The following RCL1 variants were observed in gnomAD, a reference collection of about 807,000 sequenced individuals.
The protein encoded by RCL1 is RNA 3'-terminal phosphate cyclase-like protein.
RCL1 carries 24 observed loss-of-function variants against 42.4 expected under a neutral mutation model. The observed-to-expected ratio is 0.57, with a 90% CI of 0.41 to 0.80. RCL1 has a LOEUF of 0.80. Ranked by LOEUF, RCL1 falls within the 30% of genes least tolerant of loss-of-function variation. The pLI is 0.00. For missense variants in RCL1, 578 were observed against 467.9 expected, an observed-to-expected ratio of 1.24 and a Z score of -2.17; for synonymous variants, 228 against 177.3, an observed-to-expected ratio of 1.29 and a Z score of -2.27.
intron 1 of RCL1, chr9:4,804,771 C>T (rs916651826): frequency 2.2e-5 from 4 of 181,626 alleles, no homozygotes; most frequent in South Asian, 8.5e-5. Context: ...TGACTCCTGC[C>T]GGAGCAGCGA....
intron 1 of RCL1, among the ~76,000 whole-genome samples, chr9:4,796,352 A>G (rs1842913785): frequency 6.6e-6 from 1 of 152,084 alleles, no homozygotes; most frequent in African/African-American, 2.4e-5. Flanking sequence ...CTGTTTCTGA[A>G]TTAGTTCTCT....
intron 5 of RCL1, among the ~76,000 whole-genome samples, chr9:4,840,145 C>G (rs367817614): frequency 2.6e-5 from 4 of 151,974 alleles, no homozygotes; most frequent in African/African-American, 9.7e-5. Flanking sequence ...AAAAAGGGAG[C>G]TAGATACCAG....
At chr9:4,819,022 A>G (rs779303316) in intron 1 of RCL1, among the ~76,000 whole-genome samples, 9 of 152,208 alleles carry the variant, frequency 5.9e-5, no homozygotes, top group Non-Finnish European at 1.2e-4. Flanking sequence ...TAATGAAAAC[A>G]GTTTTGTTGG....
chr9:4,832,805 C>CAAAAAAA (rs34915834), intron 3 of RCL1, among the ~76,000 whole-genome samples: 1 of 39,304 alleles, frequency 2.5e-5, no homozygotes, highest in African/African-American at 9.9e-5. Context: ...AGATTCCACT[C>CAAAAAAA]AAAAAAAAAA....
chr9:4,820,556 A>G (rs982107376), intron 1 of RCL1, among the ~76,000 whole-genome samples: 1 of 152,190 alleles, frequency 6.6e-6, no homozygotes, highest in African/African-American at 2.4e-5. Context: ...AAAAAACAAA[A>G]TCTAGAAAGT....
chr9:4,818,208 A>G (rs572163382), intron 1 of RCL1, among the ~76,000 whole-genome samples: 1 of 152,160 alleles, frequency 6.6e-6, no homozygotes, highest in Admixed American at 6.5e-5. Context: ...GGCATAAGCC[A>G]CCGCGCCCGG....
intron 6 of RCL1, among the ~76,000 whole-genome samples, chr9:4,843,795 C>G (rs964049239): frequency 3.3e-5 from 5 of 152,194 alleles, no homozygotes; most frequent in African/African-American, 1.2e-4. Flanking sequence ...CCTGCAGCCA[C>G]TGCTGGACAC....
chr9:4,859,257 C>A (rs1280293637), intron 8 of RCL1, among the ~76,000 whole-genome samples: 1 of 152,198 alleles, frequency 6.6e-6, no homozygotes, highest in East Asian at 1.9e-4. Flanking sequence ...TTACTGTGCA[C>A]ACTTCCCCGG....
chr9:4,822,455 A>C (rs571913556), intron 1 of RCL1, among the ~76,000 whole-genome samples: 2 of 152,298 alleles, frequency 1.3e-5, no homozygotes, highest in East Asian at 3.9e-4. Context: ...CCATAATCTT[A>C]CATTTAAAAT....
chr9:4,833,078 C>G lies in RCL1; in HGVS notation c.385-76C>G. ...CTGCATCATCTACCTGGTTGCTAAG[C>G]CTTACTTGTTTTTTTTGACTCTTGT... On this transcript the variant is annotated intron_variant, in intron 3 of 8. Coordinates refer to ENST00000381750, the MANE Select transcript of RCL1 (RefSeq NM_005772.5). 6 of 986,636 alleles carry G rather than the reference C, an allele frequency of 6.1e-6. No individual in the cohort carries two copies. In the Admixed American group the frequency reaches 6.8e-5, roughly 11 times the overall value. The allele number at this position is 986,636 out of a possible 1,614,324, so 61.1% of individuals were successfully genotyped here. A position where few individuals can be genotyped will look rare whatever the true frequency, so the allele number is the denominator to read the frequency against.
At chr9:4,855,601 TA>T (rs1817930690) in intron 8 of RCL1, among the ~76,000 whole-genome samples, 1 of 152,148 alleles carries the variant, frequency 6.6e-6, no homozygotes, top group African/African-American at 2.4e-5. Flanking sequence ...TTCGTTTTCT[TA>T]AGGAGGCTGT....
chr9:4,801,041 T>G (rs762106970), intron 1 of RCL1, among the ~76,000 whole-genome samples: 2 of 152,348 alleles, frequency 1.3e-5, no homozygotes, highest in Non-Finnish European at 2.9e-5. Context: ...GTCACTACTT[T>G]TATTCTGATA....
At position 4,808,363 on chromosome 9, in the gene RCL1, A is replaced by G. The variant is rs144139158; in HGVS notation, c.136+15136A>G. 2.4e-3 allele frequency among the ~76,000 whole-genome samples: 367 copies of G among 152,094 alleles called. 3 individuals are homozygous for G. The highest frequency in any genetic ancestry group is 8.4e-3 in the African/African-American group (348 of 41,486). On this transcript the variant is annotated intron_variant, in intron 1 of 8. Transcript: ENST00000381750. ...CCTTCTTTCATCCAAGCTGGAGTGC[A>G]GTGGTGTGATCTCGCCTCATTGCCA...
intron 1 of RCL1, among the ~76,000 whole-genome samples, chr9:4,814,547 A>G (rs1816304329): frequency 6.6e-6 from 1 of 152,206 alleles, no homozygotes; most frequent in African/African-American, 2.4e-5. Context: ...GATTCTAGGC[A>G]TGAGCCACAG....
chr9:4,823,199 A>G lies in RCL1; in HGVS notation c.137-349A>G, dbSNP rs541629863. On this transcript the variant is annotated intron_variant, in intron 1 of 8. Coordinates refer to ENST00000381750, the MANE Select transcript of RCL1 (RefSeq NM_005772.5). ...TTCTACTGTTTCTCCGTTATTTGGCATGTCCTCCTGAGTTCAGAAGAATAG... is the reference window on the plus strand; with the variant it reads ...TTCTACTGTTTCTCCGTTATTTGGCGTGTCCTCCTGAGTTCAGAAGAATAG... 6.6e-5 allele frequency among the ~76,000 whole-genome samples: 10 copies of G among 151,784 alleles called. No homozygotes were observed. In the South Asian group the frequency reaches 1.5e-3, roughly 22 times the overall value.
At chr9:4,858,814 G>A (rs1030495276) in intron 8 of RCL1, among the ~76,000 whole-genome samples, 1 of 152,122 alleles carries the variant, frequency 6.6e-6, no homozygotes, top group African/African-American at 2.4e-5. Context: ...TACAGTGCGA[G>A]GTTTTTGTAA....
intron 3 of RCL1, among the ~76,000 whole-genome samples, chr9:4,827,833 C>G (rs1816817284): frequency 6.6e-6 from 1 of 151,714 alleles, no homozygotes; most frequent in Non-Finnish European, 1.5e-5. Flanking sequence ...GCCTCCCTCC[C>G]TTGTAGGAAG....
chr9:4,831,193 A>AC (rs1421409111), intron 3 of RCL1, among the ~76,000 whole-genome samples: 1 of 152,184 alleles, frequency 6.6e-6, no homozygotes, highest in African/African-American at 2.4e-5. Context: ...TGATAAAGGG[A>AC]CAGGACTACA....
At chr9:4,839,152 G>C (rs1817232980) in intron 5 of RCL1, among the ~76,000 whole-genome samples, 1 of 152,210 alleles carries the variant, frequency 6.6e-6, no homozygotes. Flanking sequence ...TGCCAAGCCA[G>C]ATGGTTCTAA....
Sources: gnomAD v4.1 joint callset for allele counts (sites outside exome capture counted in the v4.1 genomes callset) on GRCh38, gnomAD v4.1.1 for gene constraint, MANE v1.5 for transcripts, NCBI Gene and HGNC (gene_info 2026-07-23, HGNC 2026-07-21) for gene names.